AK8: variants seen among roughly 807,000 people sequenced by gnomAD.
AK8 encodes the protein adenylate kinase 8.
Under a neutral mutation model 54.6 loss-of-function variants are expected in AK8, and 44 were observed. That is an observed-to-expected ratio of 0.81 (90% CI 0.63 to 1.04). The LOEUF is 1.04. Among genes scored for constraint, AK8 ranks in the 50% least tolerant of loss-of-function variants. The pLI is 0.00. For synonymous variants in AK8, 239 were observed against 245.6 expected, an observed-to-expected ratio of 0.97 and a Z score of 0.25; for missense variants, 555 against 613.6, an observed-to-expected ratio of 0.90 and a Z score of 1.01.
At chr9:132,747,576 G>A (rs563423638) in intron 11 of AK8, among the ~76,000 whole-genome samples, 2 of 150,850 alleles carry the variant, frequency 1.3e-5, no homozygotes, top group South Asian at 4.2e-4. Context: ...ACCTGTAGCT[G>A]GGATTACACC....
At chr9:132,782,495 G>A (rs922087861) in intron 11 of AK8, among the ~76,000 whole-genome samples, 8 of 152,092 alleles carry the variant, frequency 5.3e-5, no homozygotes, top group African/African-American at 9.7e-5. Flanking sequence ...TTTGACACCA[G>A]CCTGACCAAC....
chr9:132,828,853 A>G, intron 5 of AK8, 127 bp from the exon 6 acceptor site: 1 of 596,336 alleles, frequency 1.7e-6, no homozygotes, highest in Non-Finnish European at 2.8e-6. Context: ...TGTTTCTGAT[A>G]GCTACCTCAC....
chr9:132,741,331 C>T (rs1040817586), intron 11 of AK8, among the ~76,000 whole-genome samples: 3 of 152,242 alleles, frequency 2.0e-5, no homozygotes, highest in Non-Finnish European at 2.9e-5. Flanking sequence ...CCTGGAAACC[C>T]ACCATCTTCA....
chr9:132,854,682 C>T (rs576360912), intron 5 of AK8, among the ~76,000 whole-genome samples, 175 bp downstream of exon 5: 1 of 152,362 alleles, frequency 6.6e-6, no homozygotes, highest in South Asian at 2.1e-4. Context: ...CACACTGTTC[C>T]TTTTCCTTTG....
chr9:132,847,931 G>T (rs1842813782), intron 5 of AK8, among the ~76,000 whole-genome samples: 1 of 151,874 alleles, frequency 6.6e-6, no homozygotes, highest in South Asian at 2.1e-4. Context: ...GGGCAACATT[G>T]GGAGACCACG....
chr9:132,877,277 G>A (rs1216422038), intron 1 of AK8, among the ~76,000 whole-genome samples: 2 of 152,196 alleles, frequency 1.3e-5, no homozygotes, highest in Non-Finnish European at 2.9e-5. Context: ...CACTTTCCGA[G>A]GGAAATGTGT....
intron 11 of AK8, among the ~76,000 whole-genome samples, chr9:132,771,633 G>C (rs1838983842): frequency 6.6e-6 from 1 of 151,402 alleles, no homozygotes; most frequent in Non-Finnish European, 1.5e-5. Flanking sequence ...CATCCATCTA[G>C]CATGTTCTGA....
intron 9 of AK8, among the ~76,000 whole-genome samples, chr9:132,822,908 C>T (rs1240576593): frequency 6.6e-6 from 1 of 152,112 alleles, no homozygotes; most frequent in Admixed American, 6.6e-5. Flanking sequence ...GTGTACAGCA[C>T]AGACAAACCC....
In AK8 at chr9:132,792,647, A is replaced by G; in HGVS notation, c.1108T>C (p.Tyr370His). 6.4e-7 allele frequency: 1 copy of G among 1,553,596 alleles called. No homozygotes were observed. The highest frequency in any genetic ancestry group is 2.4e-5 in the East Asian group (1 of 41,298). The change falls in exon 11 of 13, where the codon TAC (tyrosine) becomes CAC (histidine). Residue 370 changes from tyrosine (Y) to histidine (H), a missense_variant. Transcript: ENST00000298545. ...GGGGCAGCTCACCTGTTGGGATTGT[A>G]GCCCAGGCGGTTCAGCAGGTGTGCC... ...DQAHLLNRLG[Y>H]NPNRVFFLNV...
At chr9:132,727,372 T>C in intron 12 of AK8, 82 bp downstream of exon 12, 1 of 1,312,816 alleles carries the variant, frequency 7.6e-7, no homozygotes, top group Non-Finnish European at 1.1e-6. Flanking sequence ...CCTGCAGTGT[T>C]TCCACCATGG....
chr9:132,772,379 G>C (rs1016222803), intron 11 of AK8, among the ~76,000 whole-genome samples: 11 of 152,200 alleles, frequency 7.2e-5, no homozygotes, highest in African/African-American at 2.7e-4. Context: ...TAAAGAGGTG[G>C]TTAAGTTAAA....
At chr9:132,859,300 G>A (rs982285389) in intron 4 of AK8, among the ~76,000 whole-genome samples, 1 of 152,050 alleles carries the variant, frequency 6.6e-6, no homozygotes, top group African/African-American at 2.4e-5. Flanking sequence ...TGTCATCCAG[G>A]CTGGAGTGCA....
chr9:132,849,055 C>G (rs369027787), intron 5 of AK8, among the ~76,000 whole-genome samples: 2 of 151,776 alleles, frequency 1.3e-5, no homozygotes, highest in Non-Finnish European at 2.9e-5. Flanking sequence ...ACTACAGGCG[C>G]GTGCCACCAC....
At chr9:132,874,686 G>A (rs2072058) in intron 2 of AK8, among the ~76,000 whole-genome samples, 54,493 of 152,114 alleles carry the variant, frequency 0.36, 11,829 homozygotes, top group South Asian at 0.57. Context: ...TAATGAGACC[G>A]TCGGAAAAGC....
At chr9:132,737,846 A>G (rs1020110855) in intron 11 of AK8, among the ~76,000 whole-genome samples, 2 of 152,234 alleles carry the variant, frequency 1.3e-5, no homozygotes, top group African/African-American at 4.8e-5. Flanking sequence ...TCTACTAGTC[A>G]TCATCAAACT....
chr9:132,876,890 C>T (rs1844128539), intron 1 of AK8, among the ~76,000 whole-genome samples: 2 of 151,668 alleles, frequency 1.3e-5, no homozygotes, highest in South Asian at 4.2e-4. Context: ...AAGACCTCGT[C>T]TGTACTAAAA....
chr9:132,816,388 A>T (rs887010708), intron 9 of AK8, among the ~76,000 whole-genome samples: 7 of 152,000 alleles, frequency 4.6e-5, no homozygotes, highest in African/African-American at 1.7e-4. Flanking sequence ...GAAAAGAAAA[A>T]AAAAGCTGCT....
At chr9:132,807,968 T>A (rs1238688602) in intron 10 of AK8, among the ~76,000 whole-genome samples, 3 of 151,702 alleles carry the variant, frequency 2.0e-5, no homozygotes, top group Non-Finnish European at 4.4e-5. Flanking sequence ...AGCAAAGAAC[T>A]GAGATCTAGT....
chr9:132,789,131 T>C (rs1839839316), intron 11 of AK8, among the ~76,000 whole-genome samples: 1 of 151,004 alleles, frequency 6.6e-6, no homozygotes, highest in East Asian at 2.0e-4. Context: ...CCGTCTCTAC[T>C]AAAAATACAA....
Sources: allele counts gnomAD v4.1 joint callset (sites outside exome capture counted in the v4.1 genomes callset), GRCh38; gene constraint gnomAD v4.1.1; transcripts MANE v1.5; gene names NCBI Gene and HGNC (gene_info 2026-07-23, HGNC 2026-07-21).